The following USP37 variants were observed in gnomAD, a reference collection of about 807,000 sequenced individuals.
USP37 encodes the protein ubiquitin carboxyl-terminal hydrolase 37.
A neutral mutation model predicts 124.0 loss-of-function variants in USP37; 27 were observed. The observed-to-expected ratio is 0.22, with a 90% CI of 0.16 to 0.30. The LOEUF is 0.30. Among genes scored for constraint, USP37 ranks in the 10% least tolerant of loss-of-function variants. The pLI is 1.00. For synonymous variants in USP37, 365 were observed against 388.0 expected (o/e 0.94, Z 0.70); for missense variants, 889 against 1,140.4 (o/e 0.78, Z 3.17).
intron 21 of USP37, among the ~76,000 whole-genome samples, chr2:218,463,980 C>A (rs554078928): frequency 6.6e-6 from 1 of 151,096 alleles, no homozygotes; most frequent in Non-Finnish European, 1.5e-5. Context: ...CTCAGCCTCC[C>A]GGGTGGCTGG....
At chr2:218,502,141 A>C (rs1424796028) in intron 11 of USP37, among the ~76,000 whole-genome samples, 1 of 152,150 alleles carries the variant, frequency 6.6e-6, no homozygotes, top group African/African-American at 2.4e-5. Context: ...AGAAATGAAA[A>C]AGAAGAACTT....
At chr2:218,511,512 G>A (rs1378054292) in intron 10 of USP37, among the ~76,000 whole-genome samples, 1 of 152,062 alleles carries the variant, frequency 6.6e-6, no homozygotes, top group Admixed American at 6.6e-5. Context: ...GTTTCACCAT[G>A]TTAGCCAGGC....
At chr2:218,463,853 G>GTTTT (rs1559162855) in intron 21 of USP37, among the ~76,000 whole-genome samples, 1 of 129,208 alleles carries the variant, frequency 7.7e-6, no homozygotes, top group Non-Finnish European at 1.6e-5. Context: ...TATTTTTTAA[G>GTTTT]ATTTTTTTTT....
intron 15 of USP37, chr2:218,486,086 A>C: frequency 5.0e-6 from 1 of 198,582 alleles, no homozygotes; most frequent in East Asian, 1.2e-4. Context: ...TCCAGATTTT[A>C]CCATATGGCC....
intron 11 of USP37, among the ~76,000 whole-genome samples, chr2:218,502,711 C>CTA (rs1051988160): frequency 1.1e-4 from 16 of 152,106 alleles, no homozygotes; most frequent in Non-Finnish European, 7.4e-5. Context: ...AAGATTAAAT[C>CTA]ACTTACAAGG....
At chr2:218,550,285 T>TTGTATCAGC (rs1317416667) in intron 5 of USP37, among the ~76,000 whole-genome samples, 1 of 152,142 alleles carries the variant, frequency 6.6e-6, no homozygotes, top group African/African-American at 2.4e-5. Flanking sequence ...ACAGTGACAG[T>TTGTATCAGC]TGTATCTCCA....
intron 22 of USP37, among the ~76,000 whole-genome samples, chr2:218,461,184 C>G (rs1689999705): frequency 6.6e-6 from 1 of 152,086 alleles, no homozygotes; most frequent in South Asian, 2.1e-4. Context: ...ACTAAAATCA[C>G]AGTATAGTGT....
At chr2:218,464,820 T>C (rs80104493) in intron 21 of USP37, among the ~76,000 whole-genome samples, 151 of 152,312 alleles carry the variant, frequency 9.9e-4, no homozygotes, top group African/African-American at 3.5e-3. Flanking sequence ...AAATAGCTCA[T>C]GCCTATAATC....
chr2:218,556,503 GTTTTTTT>G (rs34907421), intron 4 of USP37, among the ~76,000 whole-genome samples: 5 of 53,806 alleles, frequency 9.3e-5, no homozygotes, highest in Non-Finnish European at 1.8e-4. Flanking sequence ...GGGTTTTTCT[GTTTTTTT>G]TTTTTTTTTT....
At chr2:218,484,623 A>AAAC (rs71064453) in intron 16 of USP37, among the ~76,000 whole-genome samples, 17 of 18,626 alleles carry the variant, frequency 9.1e-4, no homozygotes, top group East Asian at 0.014. Flanking sequence ...CTCTGTATCA[A>AAAC]AACAACAACA....
At chr2:218,478,632 T>C (rs765766387) in intron 18 of USP37, among the ~76,000 whole-genome samples, 7 of 152,212 alleles carry the variant, frequency 4.6e-5, no homozygotes, top group Non-Finnish European at 7.3e-5. Context: ...AATCATTTCT[T>C]TCTTGAAACT....
chr2:218,470,751 G>A (rs1442645316), intron 20 of USP37, among the ~76,000 whole-genome samples: 2 of 152,164 alleles, frequency 1.3e-5, no homozygotes, highest in East Asian at 1.9e-4. Flanking sequence ...TCTAGAGACT[G>A]TAAAACCTTA....
At chr2:218,559,153 G>GA (rs1256330442) in intron 3 of USP37, among the ~76,000 whole-genome samples, 1 of 151,812 alleles carries the variant, frequency 6.6e-6, no homozygotes, top group African/African-American at 2.4e-5. Context: ...CAAAAAAACT[G>GA]AAAAAACATT....
At chr2:218,512,907 A>T (rs780438962) in intron 10 of USP37, among the ~76,000 whole-genome samples, 2 of 152,124 alleles carry the variant, frequency 1.3e-5, no homozygotes, top group Non-Finnish European at 2.9e-5. Context: ...TACTCATATA[A>T]ATTTTATATA....
At chr2:218,480,398 C>CAA (rs397868988) in intron 17 of USP37, among the ~76,000 whole-genome samples, 5,686 of 48,792 alleles carry the variant, frequency 0.12, 1,139 homozygotes, top group Non-Finnish European at 0.17. Context: ...GACTCCGTCT[C>CAA]AAAAAAAAAA....
At chr2:218,460,258 C>CA (rs34916803) in intron 22 of USP37, among the ~76,000 whole-genome samples, 7,200 of 129,338 alleles carry the variant, frequency 0.056, 487 homozygotes, top group African/African-American at 0.17. Flanking sequence ...AACTCTGTCC[C>CA]AAAAAAAAAA....
chr2:218,544,320 G>C (rs1692174269), intron 8 of USP37, among the ~76,000 whole-genome samples: 1 of 147,984 alleles, frequency 6.8e-6, no homozygotes, highest in Non-Finnish European at 1.5e-5. Context: ...GGGAGGTGGA[G>C]GTTGCAGTGA....
At chr2:218,536,654 C>T (rs2106031977) in intron 8 of USP37, among the ~76,000 whole-genome samples, 1 of 152,276 alleles carries the variant, frequency 6.6e-6, no homozygotes, top group Middle Eastern at 3.4e-3. Flanking sequence ...AACTATATTG[C>T]TTTCCTTACT....
intron 11 of USP37, among the ~76,000 whole-genome samples, chr2:218,500,577 T>C (rs1689324546): frequency 1.3e-5 from 2 of 152,130 alleles, no homozygotes; most frequent in South Asian, 2.1e-4. Flanking sequence ...CGTTTCCCCA[T>C]GTTGGCCAGG....
Sources: allele counts gnomAD v4.1 joint callset (sites outside exome capture counted in the v4.1 genomes callset), GRCh38; gene constraint gnomAD v4.1.1; transcripts MANE v1.5; gene names NCBI Gene and HGNC (gene_info 2026-07-23, HGNC 2026-07-21).